SHROOM4: variants seen among roughly 807,000 people sequenced by gnomAD.
SHROOM4 encodes shroom family member 4.
Under a neutral mutation model 80.3 loss-of-function variants are expected in SHROOM4, and 17 were observed. That is an observed-to-expected ratio of 0.21 (90% confidence interval 0.14 to 0.32). SHROOM4 has a LOEUF of 0.32. Among genes scored for constraint, SHROOM4 ranks in the 10% least tolerant of loss-of-function variants. SHROOM4 has a pLI of 1.00. For synonymous variants in SHROOM4, 400 were observed against 437.5 expected (o/e 0.91, Z 1.07); for missense variants, 993 against 1,140.3 (o/e 0.87, Z 1.86).
Position 50,634,667 on chromosome X carries a change from T to C in SHROOM4, c.1406A>G (p.Asp469Gly). The C allele has an allele frequency of 8.3e-7, 1 of 1,211,995 alleles. No homozygotes were observed. Among genetic ancestry groups the C allele is most frequent in the Non-Finnish European group, 1.1e-6 (1 of 895,592 alleles). The change falls in exon 4 of 9, where the codon GAC (aspartate) becomes GGC (glycine). Residue 469 changes from aspartate to glycine, a missense_variant. By Grantham distance (94) the Asp-to-Gly change is moderately conservative. Coordinates refer to ENST00000376020, the MANE Select transcript of SHROOM4 (RefSeq NM_020717.5). ...GGTCTTTCTTTCTTTGCTGGACTGG[T>C]CATGGGTTCCTCCTGTAGGGGGGCA... is the stretch of plus-strand genomic sequence containing the variant. ...SPCPPTGGTH[D>G]QSSKERKTRQ...
chrX:50,704,065 T>C (rs1933590385), intron 1 of SHROOM4, among the ~76,000 whole-genome samples: 1 of 111,665 alleles, frequency 9.0e-6, no homozygotes, highest in Non-Finnish European at 1.9e-5. Flanking sequence ...TTTACCCTTG[T>C]ATAGCATTAA....
chrX:50,591,881 C>T lies in SHROOM4; in HGVS notation c.*4814G>A, dbSNP rs1346548206. On this transcript the variant is annotated 3_prime_UTR_variant, in exon 9 of 9. Coordinates refer to ENST00000376020, the MANE Select transcript of SHROOM4 (RefSeq NM_020717.5). ...TACTGGTGCGTGCCACCACACCTGG[C>T]TAATTTTTTGTATTTTTAGTAGAGA... 3.2e-6 allele frequency: 1 copy of T among 317,368 alleles called. No homozygotes were observed. The highest frequency in any genetic ancestry group is 2.7e-5 in the African/African-American group (1 of 36,867). 26.2% of individuals were successfully genotyped at this position (317,368 alleles called of 1,213,427 possible).
intron 1 of SHROOM4, among the ~76,000 whole-genome samples, chrX:50,700,555 G>A (rs192089270): frequency 4.4e-4 from 49 of 111,779 alleles, no homozygotes; most frequent in Non-Finnish European, 8.1e-4. Flanking sequence ...CTTTTTCCTT[G>A]TTGGTATCTC....
chrX:50,735,490 A>G lies in SHROOM4; in HGVS notation c.118-39553T>C, dbSNP rs187481308. ...TCAATTGGACTGCATAAAATGTAAA[A>G]GTTTTGAGCTTCAAAAGACACTATA... On this transcript the variant is annotated intron_variant, in intron 1 of 8. Transcript: ENST00000376020. Among the ~76,000 whole-genome samples the G allele has an allele frequency of 1.8e-4, 20 of 112,018 alleles. No individual in the cohort carries two copies. In the East Asian group the frequency reaches 4.8e-3, roughly 27 times the overall value.
At chrX:50,761,339 A>G (rs1390724279) in intron 1 of SHROOM4, among the ~76,000 whole-genome samples, 2 of 111,543 alleles carry the variant, frequency 1.8e-5, no homozygotes, top group Non-Finnish European at 3.8e-5. Flanking sequence ...CTCCAGCTCC[A>G]TCTATGTTTC....
intron 1 of SHROOM4, among the ~76,000 whole-genome samples, chrX:50,751,548 T>G (rs1253627631): frequency 9.0e-6 from 1 of 111,587 alleles, no homozygotes; most frequent in Non-Finnish European, 1.9e-5. Flanking sequence ...ATAATGGTAT[T>G]TTGCAACATG....
At chrX:50,666,908 T>C (rs1271849234) in intron 2 of SHROOM4, among the ~76,000 whole-genome samples, 1 of 111,624 alleles carries the variant, frequency 9.0e-6, no homozygotes. Flanking sequence ...AAGGCATTCA[T>C]TAACTTTATA....
chrX:50,595,725 G>A lies in SHROOM4; in HGVS notation c.*970C>T, dbSNP rs1929080378. The A allele has an allele frequency of 3.5e-6, 1 of 286,095 alleles. No homozygotes were observed. Among genetic ancestry groups the A allele is most frequent in the Non-Finnish European group, 6.5e-6 (1 of 154,008 alleles). 23.6% of individuals were successfully genotyped at this position (286,095 alleles called of 1,213,427 possible). A position where few individuals can be genotyped will look rare whatever the true frequency, so the allele number is the denominator to read the frequency against. ...AGCCACGGTGGATTCAGGCTGATCT[G>A]CAGAAAATGCTTTCCTTCTGGGCTA... On this transcript the variant is annotated 3_prime_UTR_variant, in exon 9 of 9. Transcript: ENST00000376020.
intron 2 of SHROOM4, among the ~76,000 whole-genome samples, chrX:50,663,580 C>CCTT (rs781837633): frequency 9.1e-6 from 1 of 110,058 alleles, no homozygotes; most frequent in East Asian, 2.9e-4. Flanking sequence ...TTTTTCTGGG[C>CCTT]CTTCTATAGA....
intron 5 of SHROOM4, among the ~76,000 whole-genome samples, chrX:50,614,506 G>A (rs782488846): frequency 9.8e-5 from 11 of 112,275 alleles, no homozygotes; most frequent in Non-Finnish European, 1.9e-4. Flanking sequence ...AAAGGTGTTC[G>A]ACCTCACTTA....
At chrX:50,774,329 A>G (rs1377573041) in intron 1 of SHROOM4, among the ~76,000 whole-genome samples, 2 of 111,582 alleles carry the variant, frequency 1.8e-5, no homozygotes, top group African/African-American at 6.5e-5. Context: ...GACATGTCCA[A>G]AATGTGCTAT....
intron 1 of SHROOM4, among the ~76,000 whole-genome samples, chrX:50,713,284 T>C (rs1557264542): frequency 9.0e-6 from 1 of 111,344 alleles, no homozygotes; most frequent in African/African-American, 3.3e-5. Context: ...CAATGATGTC[T>C]ACACAAGAGA....
chrX:50,797,253 C>T (rs971548066), intron 1 of SHROOM4, among the ~76,000 whole-genome samples: 4 of 110,905 alleles, frequency 3.6e-5, no homozygotes, highest in African/African-American at 6.6e-5. Flanking sequence ...TGGAGAAGGT[C>T]GAGTCTGAAT....
At chrX:50,651,635 A>C (rs1932066348) in intron 2 of SHROOM4, among the ~76,000 whole-genome samples, 2 of 111,444 alleles carry the variant, frequency 1.8e-5, no homozygotes, top group African/African-American at 6.5e-5. Context: ...CAGAACGTGC[A>C]GGTTTGTTAC....
At chrX:50,582,891 A>C (rs1482526548), downstream of SHROOM4, among the ~76,000 whole-genome samples, 2 of 110,769 alleles carry the variant, frequency 1.8e-5, no homozygotes. Context: ...ATTTGTATTA[A>C]CTACCAATCT....
intron 1 of SHROOM4, among the ~76,000 whole-genome samples, chrX:50,754,832 T>C (rs1279496580): frequency 8.9e-6 from 1 of 111,986 alleles, no homozygotes; most frequent in East Asian, 2.8e-4. Flanking sequence ...TATCTCACTG[T>C]CTCCACTACC....
intron 2 of SHROOM4, among the ~76,000 whole-genome samples, chrX:50,690,279 T>A (rs1933187661): frequency 1.8e-5 from 2 of 111,877 alleles, no homozygotes; most frequent in South Asian, 7.4e-4. Context: ...ATTTAAAAAA[T>A]CTTTCTTTGT....
chrX:50,613,184 G>A lies in SHROOM4; in HGVS notation c.2958-5000C>T, dbSNP rs905857126. ...ACCTAGGCTGGAGTGCATGATCTCC[G>A]CTCACTGCAACCTCTGCCTCCCAGG... On this transcript the variant is annotated intron_variant, in intron 5 of 8. Coordinates refer to ENST00000376020, the MANE Select transcript of SHROOM4 (RefSeq NM_020717.5). 2.7e-5 allele frequency among the ~76,000 whole-genome samples: 3 copies of A among 111,106 alleles called. No homozygotes were observed. In the East Asian group the frequency reaches 8.5e-4, roughly 32 times the overall value.
In SHROOM4 at chrX:50,597,307, A is replaced by T. The variant is rs189789394; in HGVS notation, c.4213-343T>A. 8.0e-4 allele frequency among the ~76,000 whole-genome samples: 89 copies of T among 111,560 alleles called. 1 individual carries two copies. The highest frequency in any genetic ancestry group is 2.7e-3 in the African/African-American group (83 of 30,598). On this transcript the variant is annotated intron_variant, in intron 8 of 8. Coordinates refer to ENST00000376020, the MANE Select transcript of SHROOM4 (RefSeq NM_020717.5). Reference sequence around the variant, plus strand: ...CCCTTTCACCTGGTGAACAACTGTCACTGTGGAGGTGCTTTCTGTATGATG... The same window carrying T: ...CCCTTTCACCTGGTGAACAACTGTCTCTGTGGAGGTGCTTTCTGTATGATG...
Sources: gnomAD v4.1 joint callset for allele counts (sites outside exome capture counted in the v4.1 genomes callset) on GRCh38, gnomAD v4.1.1 for gene constraint, MANE v1.5 for transcripts, NCBI Gene and HGNC (gene_info 2026-07-23, HGNC 2026-07-21) for gene names.